ARID2: variants seen among roughly 807,000 people sequenced by gnomAD.
ARID2 encodes the protein AT-rich interactive domain-containing protein 2.
ARID2 carries 32 observed loss-of-function variants against 184.6 expected under a neutral mutation model. That is an observed-to-expected ratio of 0.17 (90% CI 0.13 to 0.23). The LOEUF is 0.23. Among genes scored for constraint, ARID2 ranks in the 10% least tolerant of loss-of-function variants. The pLI is 1.00. For synonymous variants in ARID2, 836 were observed against 772.6 expected (o/e 1.08, Z -1.36); for missense variants, 1,696 against 2,197.6 (o/e 0.77, Z 4.56).
chr12:45,772,680 T>A (rs1018495866), intron 3 of ARID2, among the ~76,000 whole-genome samples: 5 of 152,170 alleles, frequency 3.3e-5, no homozygotes, highest in Admixed American at 6.5e-5. Context: ...CATAAAAAAA[T>A]TGCAGTTCAT....
chr12:45,768,628 A>G (rs1941814260), intron 3 of ARID2, among the ~76,000 whole-genome samples: 1 of 152,144 alleles, frequency 6.6e-6, no homozygotes, highest in Admixed American at 6.5e-5. Context: ...GGTGAGAGAC[A>G]GTTAGGAGGA....
chr12:45,828,443 G>A (rs1367533300), intron 6 of ARID2, among the ~76,000 whole-genome samples: 9 of 151,972 alleles, frequency 5.9e-5, no homozygotes, highest in Admixed American at 5.9e-4. Flanking sequence ...ATGCATTTTG[G>A]TAAATATATG....
rs756417116 is a variant in ARID2, at chr12:45,851,590, T to C, written c.3467T>C (p.Ile1156Thr). 6.2e-7 allele frequency: 1 copy of C among 1,614,108 alleles called. No individual in the cohort carries two copies. Among genetic ancestry groups the C allele is most frequent in the Non-Finnish European group, 8.5e-7 (1 of 1,180,000 alleles). Reference sequence around the variant, plus strand: ...TTACAAATATTGCCAGGTCCACTGATCTCAAATAGCCCAGCAACCATTTTC... The same window carrying C: ...TTACAAATATTGCCAGGTCCACTGACCTCAAATAGCCCAGCAACCATTTTC... ...SNLQILPGPLISNSPATIFQG... is the reference protein window; with the variant it reads ...SNLQILPGPLTSNSPATIFQG... Residue 1156 changes from isoleucine (I) to threonine (T), a missense_variant, in exon 15 of 21, where the codon ATC becomes ACC. By Grantham distance (89) the Ile-to-Thr change is moderately conservative. Around this residue, in one of 11 missense-constraint regions of ARID2, gnomAD observed 713 missense variants for 824.4 expected, o/e 0.86. Coordinates refer to ENST00000334344, the MANE Select transcript of ARID2 (RefSeq NM_152641.4).
At chr12:45,872,523 G>T (rs1007290485) in intron 16 of ARID2, among the ~76,000 whole-genome samples, 1 of 152,072 alleles carries the variant, frequency 6.6e-6, no homozygotes, top group African/African-American at 2.4e-5. Context: ...GAAGGCCTCA[G>T]GAAAGCAACA....
At chr12:45,860,459 G>A (rs1177401657) in intron 15 of ARID2, among the ~76,000 whole-genome samples, 1 of 151,990 alleles carries the variant, frequency 6.6e-6, no homozygotes, top group Non-Finnish European at 1.5e-5. Context: ...ATTCACATAA[G>A]TAAATCCAAT....
At chr12:45,740,692 T>C (rs7138997) in intron 3 of ARID2, among the ~76,000 whole-genome samples, 93,799 of 152,026 alleles carry the variant, frequency 0.62, 30,971 homozygotes, top group African/African-American at 0.87. Flanking sequence ...ACAGTTGTCC[T>C]AAAGATGCCT....
chr12:45,888,299 C>T (rs1944231956), intron 16 of ARID2, among the ~76,000 whole-genome samples: 4 of 151,750 alleles, frequency 2.6e-5, no homozygotes, highest in Admixed American at 2.6e-4. Flanking sequence ...CAAATACACA[C>T]AAGTACAGAG....
chr12:45,855,405 C>T (rs1310271947), intron 15 of ARID2, among the ~76,000 whole-genome samples: 7 of 152,084 alleles, frequency 4.6e-5, no homozygotes, highest in East Asian at 1.9e-4. Flanking sequence ...AAATTTAAAA[C>T]TTTGCAAGGA....
intron 3 of ARID2, among the ~76,000 whole-genome samples, chr12:45,787,405 T>C (rs1268214968): frequency 6.6e-6 from 1 of 151,804 alleles, no homozygotes; most frequent in African/African-American, 2.4e-5. Context: ...ATTATTATTA[T>C]TGTCTTTTTG....
At chr12:45,819,749 T>G (rs1942864824) in intron 5 of ARID2, among the ~76,000 whole-genome samples, 1 of 148,702 alleles carries the variant, frequency 6.7e-6, no homozygotes, top group Non-Finnish European at 1.5e-5. Flanking sequence ...TTTTTTGGGT[T>G]TTTTTTTTTT....
At chr12:45,849,895 C>G (rs1943510874) in intron 14 of ARID2, 119 bp downstream of exon 14, 5 of 1,402,012 alleles carry the variant, frequency 3.6e-6, no homozygotes, top group Non-Finnish European at 4.8e-6. Flanking sequence ...CATTTTCTTA[C>G]TTGGTCTATT....
At chr12:45,744,482 A>G (rs993805238) in intron 3 of ARID2, among the ~76,000 whole-genome samples, 3 of 152,152 alleles carry the variant, frequency 2.0e-5, no homozygotes, top group East Asian at 1.9e-4. Flanking sequence ...ATATTTGAAT[A>G]TGAGTGTTTC....
intron 3 of ARID2, among the ~76,000 whole-genome samples, chr12:45,787,206 C>A (rs1942210988): frequency 6.6e-6 from 1 of 150,742 alleles, no homozygotes; most frequent in Non-Finnish European, 1.5e-5. Flanking sequence ...ACAATGTATA[C>A]CTATTTCTTT....
In ARID2 at chr12:45,818,021, T is replaced by A. The variant is rs1286742516; in HGVS notation, c.637+133T>A. The A allele has an allele frequency of 9.6e-6, 6 of 625,904 alleles. No individual in the cohort carries two copies. In the South Asian group the frequency reaches 1.7e-4, roughly 18 times the overall value. The allele number at this position is 625,904 out of a possible 1,614,324, so 38.8% of individuals were successfully genotyped here. On this transcript the variant is annotated intron_variant, in intron 5 of 20. Coordinates refer to ENST00000334344, the MANE Select transcript of ARID2 (RefSeq NM_152641.4). ...TTTCTGTTTTTATATTATGCATTAT[T>A]TAAGATAATGAATGTTTGGGGGGTT...
At chr12:45,831,875 C>A (rs1943129393) in intron 6 of ARID2, among the ~76,000 whole-genome samples, 1 of 152,160 alleles carries the variant, frequency 6.6e-6, no homozygotes, top group South Asian at 2.1e-4. Flanking sequence ...GATGAATTAA[C>A]TTTTAAAAAA....
At chr12:45,764,623 C>G (rs1440300778) in intron 3 of ARID2, among the ~76,000 whole-genome samples, 1 of 152,154 alleles carries the variant, frequency 6.6e-6, no homozygotes, top group Non-Finnish European at 1.5e-5. Context: ...TGTATGAAGC[C>G]TTTTAAGCCT....
chr12:45,896,490 C>T (rs185642406), intron 20 of ARID2, among the ~76,000 whole-genome samples: 7 of 152,280 alleles, frequency 4.6e-5, no homozygotes, highest in East Asian at 1.9e-4. Flanking sequence ...ATAAGTCTCA[C>T]GAGATCCGAT....
intron 5 of ARID2, among the ~76,000 whole-genome samples, chr12:45,820,923 G>T (rs1448001036): frequency 1.3e-5 from 2 of 152,156 alleles, no homozygotes; most frequent in Non-Finnish European, 1.5e-5. Flanking sequence ...AAACACAAGC[G>T]TGATGTAGGC....
chr12:45,897,040 C>T (rs1325416363), intron 20 of ARID2, among the ~76,000 whole-genome samples: 1 of 152,092 alleles, frequency 6.6e-6, no homozygotes, highest in African/African-American at 2.4e-5. Context: ...TACTACAAAG[C>T]TAACATAATC....
Sources: gnomAD v4.1 joint callset for allele counts (sites outside exome capture counted in the v4.1 genomes callset) on GRCh38, gnomAD v4.1.1 for gene constraint, gnomAD v4.1.1 regional missense constraint, MANE v1.5 for transcripts, NCBI Gene and HGNC (gene_info 2026-07-23, HGNC 2026-07-21) for gene names.